Variants in GALNT1 observed in about 807,000 individuals in gnomAD.
GALNT1 encodes GalNAc transferase 1.
Under a neutral mutation model 65.7 loss-of-function variants are expected in GALNT1, and 17 were observed. The ratio of observed to expected loss-of-function variants is 0.26; its 90% confidence interval spans 0.18 to 0.39. The LOEUF is 0.39. GALNT1 is among the 10% of genes least tolerant of loss of function. GALNT1 has a pLI of 1.00. For missense variants in GALNT1, 460 were observed against 672.8 expected, an observed-to-expected ratio of 0.68 and a Z score of 3.50; for synonymous variants, 210 against 219.7, an observed-to-expected ratio of 0.96 and a Z score of 0.39.
chr18:35,709,601 T>C, intron 11 of GALNT1, 23 bp from the exon 12 acceptor site: 1 of 1,612,516 alleles, frequency 6.2e-7, no homozygotes, highest in South Asian at 1.1e-5. Flanking sequence ...TCCACTCTCA[T>C]GTTAAGATTT....
At chr18:35,595,441 C>G (rs912350866) in intron 1 of GALNT1, among the ~76,000 whole-genome samples, 1 of 152,098 alleles carries the variant, frequency 6.6e-6, no homozygotes, top group African/African-American at 2.4e-5. Context: ...TGAGGGATGA[C>G]TGACTTGAAA....
At chr18:35,703,481 G>C in intron 10 of GALNT1, 28 bp from the exon 11 acceptor site, 1 of 1,603,674 alleles carries the variant, frequency 6.2e-7, no homozygotes, top group Non-Finnish European at 8.5e-7. Context: ...TATTTTTTCT[G>C]TTTATGTGTG....
intron 1 of GALNT1, among the ~76,000 whole-genome samples, chr18:35,609,511 G>A (rs756845804): frequency 1.2e-4 from 18 of 152,166 alleles, no homozygotes; most frequent in Non-Finnish European, 2.5e-4. Flanking sequence ...GTCATAGTAT[G>A]TGTTAAATGT....
At chr18:35,611,097 AG>A (rs2046710414) in intron 1 of GALNT1, among the ~76,000 whole-genome samples, 1 of 152,180 alleles carries the variant, frequency 6.6e-6, no homozygotes, top group African/African-American at 2.4e-5. Flanking sequence ...CTGCTGCTGT[AG>A]GTGGATGATT....
chr18:35,695,876 AC>A (rs1404571993), intron 9 of GALNT1, among the ~76,000 whole-genome samples: 1 of 152,156 alleles, frequency 6.6e-6, no homozygotes, highest in African/African-American at 2.4e-5. Context: ...TGTCTTTAGA[AC>A]CAAAAATGAG....
chr18:35,701,604 C>G (rs2048165298), intron 9 of GALNT1, among the ~76,000 whole-genome samples: 1 of 151,888 alleles, frequency 6.6e-6, no homozygotes. Flanking sequence ...GTATTGGACC[C>G]TGAGAAAAAA....
At chr18:35,678,007 TAACATA>T (rs1482458856) in intron 4 of GALNT1, among the ~76,000 whole-genome samples, 1 of 152,176 alleles carries the variant, frequency 6.6e-6, no homozygotes, top group Admixed American at 6.5e-5. Flanking sequence ...TAATGCTCTA[TAACATA>T]AACTATTATG....
chr18:35,628,979 C>G (rs972956244), intron 1 of GALNT1, among the ~76,000 whole-genome samples: 8 of 151,902 alleles, frequency 5.3e-5, no homozygotes, highest in African/African-American at 1.9e-4. Context: ...GATGGAAGAT[C>G]AAATGAATGA....
intron 1 of GALNT1, among the ~76,000 whole-genome samples, chr18:35,632,399 A>G (rs2047026689): frequency 6.6e-6 from 1 of 152,162 alleles, no homozygotes; most frequent in African/African-American, 2.4e-5. Context: ...AATACCACAC[A>G]TCTACAACTA....
At chr18:35,605,269 G>A (rs931480581) in intron 1 of GALNT1, among the ~76,000 whole-genome samples, 2 of 152,070 alleles carry the variant, frequency 1.3e-5, no homozygotes, top group Non-Finnish European at 2.9e-5. Context: ...AGCACCTTGG[G>A]AGGCCGAGAC....
chr18:35,594,747 C>T (rs756485670), intron 1 of GALNT1, among the ~76,000 whole-genome samples: 7 of 152,134 alleles, frequency 4.6e-5, no homozygotes, highest in Non-Finnish European at 7.4e-5. Flanking sequence ...TTCCTGCAGA[C>T]GGAGAAGAAC....
intron 1 of GALNT1, among the ~76,000 whole-genome samples, chr18:35,624,092 C>T (rs1055060825): frequency 1.3e-5 from 2 of 152,178 alleles, no homozygotes; most frequent in African/African-American, 4.8e-5. Flanking sequence ...TCATTGATAT[C>T]TCTGTTCAGT....
chr18:35,630,165 A>G (rs1411576949), intron 1 of GALNT1, among the ~76,000 whole-genome samples: 1 of 152,196 alleles, frequency 6.6e-6, no homozygotes, highest in Non-Finnish European at 1.5e-5. Flanking sequence ...GTTAACAAGG[A>G]TATCCAGGAA....
At position 35,710,191 on chromosome 18, in the gene GALNT1, G is replaced by A. The variant is rs1254891884; in HGVS notation, c.*421G>A. 6.4e-6 allele frequency: 1 copy of A among 155,430 alleles called. No individual in the cohort carries two copies. The highest frequency in any genetic ancestry group is 1.4e-5 in the Non-Finnish European group (1 of 69,884). The allele number at this position is 155,430 out of a possible 1,614,324, so 9.6% of individuals were successfully genotyped here. A position where few individuals can be genotyped will look rare whatever the true frequency, so the allele number is the denominator to read the frequency against. On this transcript the variant is annotated 3_prime_UTR_variant, in exon 12 of 12. Coordinates refer to ENST00000269195, the MANE Select transcript of GALNT1 (RefSeq NM_020474.4). Reference sequence around the variant, plus strand: ...TTTTTTTTCCTGATTAGAACTGGTAGCCAGTATATTAAATATTGATATAAA... The same window carrying A: ...TTTTTTTTCCTGATTAGAACTGGTAACCAGTATATTAAATATTGATATAAA...
rs911052720 is a variant in GALNT1 at position 35,663,653 on chromosome 18, T to C, written c.165T>C (p.His55=). 6.2e-7 allele frequency: 1 copy of C among 1,613,610 alleles called. No homozygotes were observed. The highest frequency in any genetic ancestry group is 8.5e-7 in the Non-Finnish European group (1 of 1,179,834). Residue 55 remains histidine, a synonymous_variant, in exon 3 of 12, where the codon CAT becomes CAC. Coordinates refer to ENST00000269195, the MANE Select transcript of GALNT1 (RefSeq NM_020474.4). ...TTCTAGAGCCAGTACAAAAGCCTCA[T>C]GAAGGTCCTGGAGAAATGGGGAAAC... is the stretch of plus-strand genomic sequence containing the variant. The part of the protein sequence containing the change: ...GDVLEPVQKP[H]EGPGEMGKPV...
intron 1 of GALNT1, among the ~76,000 whole-genome samples, chr18:35,647,939 T>G (rs1408763651): frequency 1.3e-5 from 2 of 151,852 alleles, no homozygotes; most frequent in East Asian, 3.9e-4. Flanking sequence ...CCCAGCAGTT[T>G]GGGAGGCCGT....
At chr18:35,632,955 A>G (rs1329748972) in intron 1 of GALNT1, among the ~76,000 whole-genome samples, 1 of 152,264 alleles carries the variant, frequency 6.6e-6, no homozygotes, top group African/African-American at 2.4e-5. Flanking sequence ...AATGCTCATC[A>G]CTGGCCATCA....
At chr18:35,676,286 G>A (rs1179719381) in intron 3 of GALNT1, among the ~76,000 whole-genome samples, 1 of 152,098 alleles carries the variant, frequency 6.6e-6, no homozygotes. Context: ...AAGGGGTCTT[G>A]GGAATGGTGA....
Position 35,709,742 on chromosome 18 carries a change from G to A in GALNT1, c.1652G>A (p.Arg551Gln), listed in dbSNP as rs368892040. ...AGTCGGTCCCAGCAGTGGCTTCTTC[G>A]AAACGTCACCCTGCCAGAAATATTC... ...NGSRSQQWLL[R>Q]NVTLPEIF Residue 551 changes from arginine to glutamine, a missense_variant, in exon 12 of 12, where the codon CGA (arginine) becomes CAA (glutamine). Arg to Gln is a conservative substitution (Grantham distance 43, BLOSUM62 1). Coordinates refer to ENST00000269195, the MANE Select transcript of GALNT1 (RefSeq NM_020474.4). The A allele has an allele frequency of 1.7e-5, 27 of 1,613,874 alleles. No individual in the cohort carries two copies. Among genetic ancestry groups the A allele is most frequent in the Non-Finnish European group, 2.0e-5 (24 of 1,179,986 alleles).
Sources: allele counts gnomAD v4.1 joint callset (sites outside exome capture counted in the v4.1 genomes callset), GRCh38; gene constraint gnomAD v4.1.1; transcripts MANE v1.5; gene names NCBI Gene and HGNC (gene_info 2026-07-23, HGNC 2026-07-21).